Variants in MYO1D observed in about 807,000 individuals in gnomAD.
MYO1D encodes myosin ID.
A neutral mutation model predicts 122.0 loss-of-function variants in MYO1D; 83 were observed. That is an observed-to-expected ratio of 0.68 (90% CI 0.57 to 0.82). The LOEUF is 0.82. Among genes scored for constraint, MYO1D ranks in the 40% least tolerant of loss-of-function variants. The probability of loss-of-function intolerance (pLI) is 0.00; values close to 1 mark genes in which losing one functional copy is unlikely to be tolerated. For synonymous variants in MYO1D, 464 were observed against 446.9 expected (o/e 1.04, Z -0.48); for missense variants, 1,157 against 1,269.5 (o/e 0.91, Z 1.35).
At chr17:32,541,315 A>C (rs534908983) in intron 21 of MYO1D, among the ~76,000 whole-genome samples, 1 of 152,340 alleles carries the variant, frequency 6.6e-6, no homozygotes, top group South Asian at 2.1e-4. Context: ...TTACGCCAAG[A>C]GGAAGAAGCT....
intron 1 of MYO1D, among the ~76,000 whole-genome samples, chr17:32,845,214 A>C (rs926347284): frequency 6.6e-6 from 1 of 152,174 alleles, no homozygotes; most frequent in Non-Finnish European, 1.5e-5. Context: ...TCACTTAAAA[A>C]CTTCGTCTTC....
intron 14 of MYO1D, among the ~76,000 whole-genome samples, chr17:32,737,006 C>A (rs2089710471): frequency 6.6e-6 from 1 of 152,150 alleles, no homozygotes; most frequent in Non-Finnish European, 1.5e-5. Flanking sequence ...GCCAAAGAAT[C>A]CTGACAAAAG....
At chr17:32,819,407 T>C (rs1171675278) in intron 1 of MYO1D, among the ~76,000 whole-genome samples, 4 of 152,212 alleles carry the variant, frequency 2.6e-5, no homozygotes, top group African/African-American at 7.2e-5. Context: ...CCCCTCCGTT[T>C]ACTCAACAGT....
In MYO1D at chr17:32,702,342, T is replaced by C. The variant is rs188359030; in HGVS notation, c.2121+9646A>G. Among the ~76,000 whole-genome samples the C allele has an allele frequency of 8.9e-4, 136 of 152,344 alleles. 1 individual carries two copies. The highest frequency in any genetic ancestry group is 1.6e-3 in the Non-Finnish European group (109 of 68,024). On this transcript the variant is annotated intron_variant, in intron 16 of 21. Coordinates refer to ENST00000318217, the MANE Select transcript of MYO1D (RefSeq NM_015194.3). ...TCATAATATTAGTTTGCTAGGGGAA[T>C]GTCAAATGTTTATTATTTTGAATTA...
chr17:32,831,245 G>A (rs1362876925), intron 1 of MYO1D, among the ~76,000 whole-genome samples: 1 of 152,162 alleles, frequency 6.6e-6, no homozygotes, highest in African/African-American at 2.4e-5. Context: ...CCGAGAAAGA[G>A]AATAACATTT....
At chr17:32,716,781 A>G (rs949067186) in intron 15 of MYO1D, among the ~76,000 whole-genome samples, 5 of 152,212 alleles carry the variant, frequency 3.3e-5, no homozygotes, top group African/African-American at 1.2e-4. Flanking sequence ...GGCAGGCAAG[A>G]GGCACTCTGC....
At chr17:32,822,847 G>C (rs1008343243) in intron 1 of MYO1D, among the ~76,000 whole-genome samples, 2 of 151,540 alleles carry the variant, frequency 1.3e-5, no homozygotes, top group Non-Finnish European at 3.0e-5. Flanking sequence ...GCCCGCGGGC[G>C]TGAGACTCAG....
chr17:32,569,287 G>A (rs532841338), intron 21 of MYO1D, among the ~76,000 whole-genome samples: 112 of 152,306 alleles, frequency 7.4e-4, no homozygotes, highest in African/African-American at 2.5e-3. Flanking sequence ...ATTGTTAATT[G>A]GGGATAGTAT....
chr17:32,544,522 T>TG (rs2086947895), intron 21 of MYO1D, among the ~76,000 whole-genome samples: 2 of 152,154 alleles, frequency 1.3e-5, no homozygotes, highest in Non-Finnish European at 2.9e-5. Context: ...TGAGTAGGAT[T>TG]GGGGTGGTAA....
At chr17:32,765,480 CAG>C (rs1223804031) in intron 7 of MYO1D, among the ~76,000 whole-genome samples, 1 of 151,916 alleles carries the variant, frequency 6.6e-6, no homozygotes, top group Non-Finnish European at 1.5e-5. Flanking sequence ...ATTTTTGAGA[CAG>C]AGTCTCGCTC....
intron 1 of MYO1D, among the ~76,000 whole-genome samples, chr17:32,810,247 G>A (rs2090557615): frequency 1.3e-5 from 2 of 152,150 alleles, no homozygotes; most frequent in Admixed American, 6.5e-5. Context: ...AGAAAGGGAG[G>A]AGAGAGTAGG....
chr17:32,757,397 C>T (rs2089959501), intron 10 of MYO1D, among the ~76,000 whole-genome samples: 1 of 152,006 alleles, frequency 6.6e-6, no homozygotes, highest in East Asian at 1.9e-4. Flanking sequence ...TGGGTAGAGG[C>T]CAGGGGTGCT....
At chr17:32,670,307 T>C (rs1434859587) in intron 16 of MYO1D, among the ~76,000 whole-genome samples, 1 of 152,216 alleles carries the variant, frequency 6.6e-6, no homozygotes, top group Non-Finnish European at 1.5e-5. Flanking sequence ...CTCTTGTTTT[T>C]AGAAAATATA....
chr17:32,717,997 C>T (rs1340062584), intron 15 of MYO1D, among the ~76,000 whole-genome samples: 1 of 152,102 alleles, frequency 6.6e-6, no homozygotes, highest in Non-Finnish European at 1.5e-5. Flanking sequence ...CCTGGATCAA[C>T]CTTACATGCG....
chr17:32,552,401 A>AATCC (rs71870663), intron 21 of MYO1D, among the ~76,000 whole-genome samples: 2 of 128,252 alleles, frequency 1.6e-5, no homozygotes, highest in African/African-American at 3.1e-5. Flanking sequence ...TAACCTTTGT[A>AATCC]ATCCATCCAT....
intron 21 of MYO1D, among the ~76,000 whole-genome samples, chr17:32,570,516 A>C (rs2087215101): frequency 6.6e-6 from 1 of 152,000 alleles, no homozygotes; most frequent in Non-Finnish European, 1.5e-5. Context: ...GGCACCCGCC[A>C]CATTTTTTTG....
chr17:32,728,090 G>T (rs898832001), intron 14 of MYO1D, among the ~76,000 whole-genome samples: 4 of 152,058 alleles, frequency 2.6e-5, no homozygotes, highest in African/African-American at 9.7e-5. Flanking sequence ...TCAGAATCAA[G>T]GCAGAGTTTA....
chr17:32,691,070 C>T (rs184745071), intron 16 of MYO1D, among the ~76,000 whole-genome samples: 134 of 151,782 alleles, frequency 8.8e-4, no homozygotes, highest in African/African-American at 2.9e-3. Context: ...AACACCAGCC[C>T]GGGCAAGATA....
chr17:32,756,453 G>A (rs1203315327), intron 10 of MYO1D, among the ~76,000 whole-genome samples: 1 of 151,778 alleles, frequency 6.6e-6, no homozygotes. Flanking sequence ...TGCACTGAGG[G>A]TACACAAAAA....
Sources: allele counts gnomAD v4.1 joint callset (sites outside exome capture counted in the v4.1 genomes callset), GRCh38; gene constraint gnomAD v4.1.1; transcripts MANE v1.5; gene names NCBI Gene and HGNC (gene_info 2026-07-23, HGNC 2026-07-21).